The following ROBO2 variants were observed in gnomAD, a reference collection of about 807,000 sequenced individuals.
ROBO2 encodes roundabout guidance receptor 2, also known as roundabout homolog 2.
In ROBO2, 53 loss-of-function variants were observed where a neutral mutation model predicts 160.8. The observed-to-expected ratio is 0.33, with a 90% CI of 0.26 to 0.41. The LOEUF is 0.41. Ranked by LOEUF, ROBO2 falls within the 10% of genes least tolerant of loss-of-function variation. The pLI, the probability that ROBO2 is intolerant of heterozygous loss-of-function variation, is 1.00. For missense variants in ROBO2, 1,577 were observed against 1,722.4 expected (o/e 0.92, Z 1.49); for synonymous variants, 664 against 611.7 (o/e 1.09, Z -1.26).
chr3:76,949,284 C>A (rs572586853), intron 2 of ROBO2, among the ~76,000 whole-genome samples: 1 of 152,156 alleles, frequency 6.6e-6, no homozygotes, highest in South Asian at 2.1e-4. Context: ...CAGAATCCTG[C>A]AAGTTGTAGG....
chr3:77,108,312 G>A (rs1307775807), intron 2 of ROBO2, among the ~76,000 whole-genome samples: 1 of 146,672 alleles, frequency 6.8e-6, no homozygotes, highest in Non-Finnish European at 1.5e-5. Context: ...ATATATATAT[G>A]TATACACATA....
intron 4 of ROBO2, among the ~76,000 whole-genome samples, chr3:77,489,770 GAA>G (rs1453937554): frequency 6.6e-6 from 1 of 152,162 alleles, no homozygotes; most frequent in Non-Finnish European, 1.5e-5. Context: ...ATAATGTCAT[GAA>G]AACTTTTCAT....
At chr3:77,064,089 A>C (rs1351467965) in intron 1 of ROBO2, among the ~76,000 whole-genome samples, 1 of 152,198 alleles carries the variant, frequency 6.6e-6, no homozygotes, top group Non-Finnish European at 1.5e-5. Flanking sequence ...TTAAGCTATA[A>C]TGTCATAAAA....
In ROBO2 at chr3:76,907,855, T is replaced by TG. The variant is rs2075715904; in HGVS notation, c.110-190159_110-190158insG. 5.0e-4 allele frequency among the ~76,000 whole-genome samples: 76 copies of TG among 150,716 alleles called. 1 individual carries two copies. Among genetic ancestry groups the TG allele is most frequent in the African/African-American group, 1.6e-3 (67 of 41,206 alleles). On this transcript the variant is annotated intron_variant, in intron 2 of 26. Coordinates refer to the ROBO2 transcript ENST00000487694. Reference sequence around the variant, plus strand: ...GTGTGTGTGTGTGTGTGTGTGTGTGTTTGAGATGGAGTCTTGCTCTGTCGC... The same window carrying TG: ...GTGTGTGTGTGTGTGTGTGTGTGTGTGTTGAGATGGAGTCTTGCTCTGTCGC...
At chr3:77,296,305 A>G (rs1045220896) in intron 2 of ROBO2, among the ~76,000 whole-genome samples, 9 of 152,260 alleles carry the variant, frequency 5.9e-5, no homozygotes, top group Non-Finnish European at 1.0e-4. Flanking sequence ...ATAAAGTAAA[A>G]TTGATGGTTA....
intron 21 of ROBO2, among the ~76,000 whole-genome samples, chr3:77,610,751 A>AG (rs2094615779): frequency 6.9e-6 from 1 of 145,906 alleles, no homozygotes; most frequent in East Asian, 1.9e-4. Context: ...CAAAAAAAAA[A>AG]AAAAAAAAAA....
intron 2 of ROBO2, among the ~76,000 whole-genome samples, chr3:76,442,500 G>A (rs1393661738): frequency 6.6e-6 from 1 of 152,246 alleles, no homozygotes; most frequent in African/African-American, 2.4e-5. Flanking sequence ...ACCTTTCCCA[G>A]AGCAAATGCT....
chr3:76,228,703 A>C (rs1413454410), intron 2 of ROBO2, among the ~76,000 whole-genome samples: 1 of 152,192 alleles, frequency 6.6e-6, no homozygotes, highest in Non-Finnish European at 1.5e-5. Context: ...GTATCTGTCT[A>C]ATCAAACCAA....
At chr3:76,614,778 C>T (rs2109132145) in intron 2 of ROBO2, among the ~76,000 whole-genome samples, 1 of 152,094 alleles carries the variant, frequency 6.6e-6, no homozygotes, top group East Asian at 1.9e-4. Flanking sequence ...TTTCAGGACC[C>T]CATTTATTTT....
chr3:75,983,158 GCT>G (rs2065323230), intron 2 of ROBO2, among the ~76,000 whole-genome samples: 1 of 151,460 alleles, frequency 6.6e-6, no homozygotes, highest in Non-Finnish European at 1.5e-5. Flanking sequence ...ATTTGACTCA[GCT>G]CTTTTTCCTT....
intron 2 of ROBO2, among the ~76,000 whole-genome samples, chr3:76,545,009 T>C (rs2083017814): frequency 6.6e-6 from 1 of 151,946 alleles, no homozygotes; most frequent in African/African-American, 2.4e-5. Flanking sequence ...GATATTGATG[T>C]CCAGGGCTAA....
At chr3:76,362,247 C>G (rs1576667708) in intron 2 of ROBO2, among the ~76,000 whole-genome samples, 1 of 151,836 alleles carries the variant, frequency 6.6e-6, no homozygotes, top group Admixed American at 6.6e-5. Flanking sequence ...CTGCGTAGTC[C>G]CAGCTCCTCG....
chr3:76,763,756 C>T (rs2061434787), intron 2 of ROBO2, among the ~76,000 whole-genome samples: 1 of 151,618 alleles, frequency 6.6e-6, no homozygotes, highest in Admixed American at 6.6e-5. Flanking sequence ...ACTGTGGAAT[C>T]GTATTCAGTG....
Position 77,294,257 on chromosome 3 carries a change from T to C in ROBO2, c.389-183157T>C, listed in dbSNP as rs1360624607. On this transcript the variant is annotated intron_variant, in intron 2 of 25. Transcript: ENST00000461745. ...CCCGGACATAAAGTAAAATTGATGG[T>C]TAAACGGGAAGTTGAGGCTAGAGCA... 1.4e-5 allele frequency among the ~76,000 whole-genome samples: 2 copies of C among 143,490 alleles called. 1 individual carries two copies. The highest frequency in any genetic ancestry group is 5.3e-5 in the African/African-American group (2 of 37,472). 94.1% of individuals were successfully genotyped at this position (143,490 alleles called of 152,430 possible). A position where few individuals can be genotyped will look rare whatever the true frequency, so the allele number is the denominator to read the frequency against.
intron 2 of ROBO2, among the ~76,000 whole-genome samples, chr3:77,221,079 C>G (rs2085724257): frequency 1.3e-5 from 2 of 152,104 alleles, no homozygotes; most frequent in African/African-American, 4.8e-5. Flanking sequence ...ATACTTTTGG[C>G]AAGGAAAACA....
At chr3:76,212,499 C>T (rs182617979) in intron 2 of ROBO2, among the ~76,000 whole-genome samples, 139 of 151,774 alleles carry the variant, frequency 9.2e-4, no homozygotes, top group African/African-American at 2.9e-3. Context: ...AAACTAAAAA[C>T]TTAATGTTCT....
chr3:77,628,182 CAT>C (rs1471949437), intron 23 of ROBO2, among the ~76,000 whole-genome samples: 1 of 152,070 alleles, frequency 6.6e-6, no homozygotes, highest in Non-Finnish European at 1.5e-5. Context: ...GGCTATCTAA[CAT>C]AAATTCATTG....
At chr3:77,147,392 C>T (rs1036961141) in intron 2 of ROBO2, among the ~76,000 whole-genome samples, 1 of 152,162 alleles carries the variant, frequency 6.6e-6, no homozygotes, top group African/African-American at 2.4e-5. Context: ...TCTTTTCAAA[C>T]TGTAATGTGT....
At chr3:76,890,313 A>T (rs1457647024) in intron 2 of ROBO2, among the ~76,000 whole-genome samples, 1 of 152,242 alleles carries the variant, frequency 6.6e-6, no homozygotes, top group African/African-American at 2.4e-5. Flanking sequence ...AATGAAATCA[A>T]CAGCATCCTT....
Sources: gnomAD v4.1 joint callset for allele counts (sites outside exome capture counted in the v4.1 genomes callset) on GRCh38, gnomAD v4.1.1 for gene constraint, MANE v1.5 for transcripts, NCBI Gene and HGNC (gene_info 2026-07-23, HGNC 2026-07-21) for gene names.